ABCA5: variants seen among roughly 807,000 people sequenced by gnomAD.
ABCA5 encodes the protein cholesterol transporter ABCA5.
Under a neutral mutation model 206.0 loss-of-function variants are expected in ABCA5, and 163 were observed. The ratio of observed to expected loss-of-function variants is 0.79; its 90% confidence interval spans 0.70 to 0.90. The LOEUF is 0.90. Among genes scored for constraint, ABCA5 ranks in the 40% least tolerant of loss-of-function variants. The probability of loss-of-function intolerance (pLI) is 0.00; values close to 1 mark genes in which losing one functional copy is unlikely to be tolerated. For missense variants in ABCA5, 1,859 were observed against 1,912.9 expected, an observed-to-expected ratio of 0.97 and a Z score of 0.53; for synonymous variants, 609 against 613.8, an observed-to-expected ratio of 0.99 and a Z score of 0.11.
Position 69,277,658 on chromosome 17 carries a change from A to C in ABCA5, c.2577T>G (p.Ser859Arg). The change falls in exon 19 of 39, where the codon AGT becomes AGG. Residue 859 changes from serine to arginine, a missense_variant. Transcript: ENST00000392676. ...KFHFFTLKRE[S>R]KSVRSVLLLL... ...ATACTTACACTGATCTCACTGATTTACTTTCACGTTTCAAGGTAAAGAAAT... is the reference window on the plus strand; with the variant it reads ...ATACTTACACTGATCTCACTGATTTCCTTTCACGTTTCAAGGTAAAGAAAT... The C allele has an allele frequency of 6.2e-7, 1 of 1,610,376 alleles. No individual in the cohort carries two copies. Among genetic ancestry groups the C allele is most frequent in the Admixed American group, 1.7e-5 (1 of 59,230 alleles).
chr17:69,247,321 C>A lies in ABCA5; in HGVS notation c.*216G>T, dbSNP rs1343436449. On this transcript the variant is annotated 3_prime_UTR_variant, in exon 39 of 39. Transcript: ENST00000392676. ...CATACAAACTATATAGTTCAATATA[C>A]TTCAATACAAACATGCAGCTTCACT... The A allele has an allele frequency of 8.9e-6, 4 of 447,858 alleles. No homozygotes were observed. In the Admixed American group the frequency reaches 1.7e-4, roughly 19 times the overall value. The allele number at this position is 447,858 out of a possible 1,614,324, so 27.7% of individuals were successfully genotyped here. A position where few individuals can be genotyped will look rare whatever the true frequency, so the allele number is the denominator to read the frequency against.
Position 69,297,126 on chromosome 17 carries a change from A to C in ABCA5, c.1436+65T>G, listed in dbSNP as rs1567773671. 3 of 1,463,270 alleles carry C rather than the reference A, an allele frequency of 2.1e-6. No homozygotes were observed. The East Asian group carries it at 6.9e-5, about 34-fold the overall frequency. 90.6% of individuals were successfully genotyped at this position (1,463,270 alleles called of 1,614,324 possible). A position where few individuals can be genotyped will look rare whatever the true frequency, so the allele number is the denominator to read the frequency against. ...TATACCATATTTACATACATATTTA[A>C]AGAATAGGATTTAAATGTTTCATCA... On this transcript the variant is annotated intron_variant, in intron 10 of 38. Transcript: ENST00000392676.
intron 7 of ABCA5, 54 bp downstream of exon 7, chr17:69,304,615 T>A: frequency 1.4e-6 from 2 of 1,402,808 alleles, no homozygotes; most frequent in South Asian, 3.3e-5. Context: ...GACTTTGCTA[T>A]GTTATCAAAC....
intron 18 of ABCA5, among the ~76,000 whole-genome samples, chr17:69,278,762 T>C (rs2075359692): frequency 6.6e-6 from 1 of 152,180 alleles, no homozygotes; most frequent in Admixed American, 6.5e-5. Flanking sequence ...TTCTAGCATA[T>C]AAACAGAGCC....
intron 24 of ABCA5, among the ~76,000 whole-genome samples, chr17:69,263,697 C>CTTTTTTTTTGTTTTTTTTTTTTTTT (rs2075175188): frequency 9.6e-6 from 1 of 103,692 alleles, no homozygotes; most frequent in African/African-American, 4.4e-5. Context: ...ACATGGATTC[C>CTTTTTTTTTGTTTTTTTTTTTTTTT]TTTTTTTTTT....
chr17:69,287,157 A>G (rs2075465153), intron 15 of ABCA5, among the ~76,000 whole-genome samples: 1 of 152,246 alleles, frequency 6.6e-6, no homozygotes, highest in Non-Finnish European at 1.5e-5. Context: ...GCACCCAATA[A>G]GAATCTTGAA....
chr17:69,305,551 C>T (rs1455143909), intron 6 of ABCA5, among the ~76,000 whole-genome samples: 2 of 152,098 alleles, frequency 1.3e-5, no homozygotes, highest in Non-Finnish European at 2.9e-5. Context: ...CCATAAAATA[C>T]TTTAATAACC....
At chr17:69,278,639 G>A (rs2075358702) in intron 18 of ABCA5, among the ~76,000 whole-genome samples, 1 of 152,122 alleles carries the variant, frequency 6.6e-6, no homozygotes, top group Admixed American at 6.5e-5. Context: ...TCAGTAGTGT[G>A]AATAAGGTAT....
rs1486850633 is a variant in ABCA5, at chr17:69,304,740, C to G, written c.859G>C (p.Ala287Pro). The G allele has an allele frequency of 4.3e-6, 7 of 1,609,204 alleles. No homozygotes were observed. Among genetic ancestry groups the G allele is most frequent in the Admixed American group, 1.7e-5 (1 of 59,464 alleles). The change falls in exon 7 of 39, where the codon GCT becomes CCT. Residue 287 changes from alanine (A) to proline (P), a missense_variant. Ala to Pro is a conservative substitution (Grantham distance 27). Coordinates refer to ENST00000392676, the MANE Select transcript of ABCA5 (RefSeq NM_172232.4). ...CTACTTTGAGGAAATAACAAAGAAGCTGTCGCAATGACTGCCATAAGAAGG... is the reference window on the plus strand; with the variant it reads ...CTACTTTGAGGAAATAACAAAGAAGGTGTCGCAATGACTGCCATAAGAAGG... ...MSLLMAVIAT[A>P]SLLFPQSSSI...
In ABCA5 at chr17:69,245,648, G is replaced by A. The variant is rs888582749; in HGVS notation, c.*1889C>T. 7 of 151,928 alleles carry A rather than the reference G, an allele frequency of 4.6e-5. No individual in the cohort carries two copies. Among genetic ancestry groups the A allele is most frequent in the African/African-American group, 1.7e-4 (7 of 41,510 alleles). 9.4% of individuals were successfully genotyped at this position (151,928 alleles called of 1,614,324 possible). ...AAAAATTTGAATGTCTTTTAAAATTGTTTACAAGAGCATGTATTCATATAC... is the reference window on the plus strand; with the variant it reads ...AAAAATTTGAATGTCTTTTAAAATTATTTACAAGAGCATGTATTCATATAC... On this transcript the variant is annotated 3_prime_UTR_variant, in exon 39 of 39. Coordinates refer to ENST00000392676, the MANE Select transcript of ABCA5 (RefSeq NM_172232.4).
At chr17:69,248,502 G>A (rs2074977779) in intron 37 of ABCA5, 185 bp from the exon 38 acceptor site, 1 of 475,384 alleles carries the variant, frequency 2.1e-6, no homozygotes, top group African/African-American at 2.0e-5. Flanking sequence ...TTCCTCTATA[G>A]CCCTAAGTAC....
At chr17:69,273,350 C>T (rs535759445) in intron 20 of ABCA5, among the ~76,000 whole-genome samples, 98 of 151,824 alleles carry the variant, frequency 6.5e-4, no homozygotes, top group Non-Finnish European at 1.2e-3. Context: ...GTATATTTTG[C>T]TCATCATGGA....
At chr17:69,255,404 A>G in intron 31 of ABCA5, 139 bp downstream of exon 31, 2 of 519,576 alleles carry the variant, frequency 3.8e-6, no homozygotes. Flanking sequence ...CCAAAAGATC[A>G]TAATTTGATC....
Position 69,248,311 on chromosome 17 carries a change from T to C in ABCA5, c.4772A>G (p.His1591Arg). Reference protein sequence around the residue: ...QSFFKLEEAKHAFAIEEYSFS... With the variant: ...QSFFKLEEAKRAFAIEEYSFS... ...GCTATATTCTTCAATGGCAAAAGCA[T>C]GTTTAGCTATTAAAATATAAAAATA... Residue 1591 changes from histidine to arginine, a missense_variant, in exon 38 of 39, where the codon CAT becomes CGT. Transcript: ENST00000392676. 6.4e-7 allele frequency: 1 copy of C among 1,557,320 alleles called. No individual in the cohort carries two copies. Among genetic ancestry groups the C allele is most frequent in the Non-Finnish European group, 8.8e-7 (1 of 1,139,314 alleles).
intron 3 of ABCA5, among the ~76,000 whole-genome samples, chr17:69,311,761 G>T (rs981292142): frequency 7.2e-5 from 11 of 151,966 alleles, no homozygotes. Flanking sequence ...CAAAGTGCTG[G>T]GATTACAGGC....
chr17:69,249,956 G>T lies in ABCA5; in HGVS notation c.4714C>A (p.Pro1572Thr). 1.3e-6 allele frequency: 2 copies of T among 1,483,866 alleles called. No homozygotes were observed. The highest frequency in any genetic ancestry group is 1.5e-5 in the South Asian group (1 of 67,568). The allele number at this position is 1,483,866 out of a possible 1,614,324, so 91.9% of individuals were successfully genotyped here. A position where few individuals can be genotyped will look rare whatever the true frequency, so the allele number is the denominator to read the frequency against. The change falls in exon 37 of 39, where the codon CCT becomes ACT. Residue 1572 changes from proline to threonine, a missense_variant. Coordinates refer to ENST00000392676, the MANE Select transcript of ABCA5 (RefSeq NM_172232.4). The part of the protein sequence containing the change: ...SFSSILAYKI[P>T]KEDVQSLSQS... ...GAAAGGGACTGAACATCTTCCTTAG[G>T]AATTTTATAAGCCAAAATAGAAGAA...
intron 17 of ABCA5, 45 bp downstream of exon 17, chr17:69,285,853 A>G (rs2075445279): frequency 5.1e-6 from 8 of 1,562,398 alleles, no homozygotes; most frequent in Non-Finnish European, 6.9e-6. Context: ...TATTCCCAAT[A>G]TAGGATCCCA....
chr17:69,301,985 G>C (rs1041784723), intron 8 of ABCA5, among the ~76,000 whole-genome samples: 1 of 152,094 alleles, frequency 6.6e-6, no homozygotes, highest in African/African-American at 2.4e-5. Context: ...GGGACTCAAT[G>C]AACTCTCAAA....
intron 5 of ABCA5, among the ~76,000 whole-genome samples, chr17:69,307,652 G>A: frequency 6.6e-6 from 1 of 152,062 alleles, no homozygotes; most frequent in South Asian, 2.1e-4. Context: ...TGTTTATACT[G>A]TACTACAAAA....
Sources: allele counts gnomAD v4.1 joint callset (sites outside exome capture counted in the v4.1 genomes callset), GRCh38; gene constraint gnomAD v4.1.1; transcripts MANE v1.5; gene names NCBI Gene and HGNC (gene_info 2026-07-23, HGNC 2026-07-21).